The following MGMT variants were observed in gnomAD, a reference collection of about 807,000 sequenced individuals.
The protein encoded by MGMT is O-6-methylguanine-DNA methyltransferase.
Under a neutral mutation model 15.9 loss-of-function variants are expected in MGMT, and 14 were observed. The ratio of observed to expected loss-of-function variants is 0.88; its 90% confidence interval spans 0.58 to 1.37. The LOEUF is 1.37. Ranked by LOEUF, MGMT falls within the 40% of genes most tolerant of loss-of-function variation. The pLI is 0.00. For synonymous variants in MGMT, 130 were observed against 118.2 expected (o/e 1.10, Z -0.65); for missense variants, 282 against 268.1 (o/e 1.05, Z -0.36).
chr10:129,616,666 T>G (rs1847031222), intron 2 of MGMT, among the ~76,000 whole-genome samples: 1 of 152,224 alleles, frequency 6.6e-6, no homozygotes, highest in Non-Finnish European at 1.5e-5. Flanking sequence ...AGAATCCTGT[T>G]TGAGACATCT....
rs1846355540 is a variant in MGMT, at chr10:129,566,469, A to C, written c.125+30092A>C. 1.3e-5 allele frequency among the ~76,000 whole-genome samples: 2 copies of C among 151,944 alleles called. No homozygotes were observed. The highest frequency in any genetic ancestry group is 6.6e-5 in the Admixed American group (1 of 15,264). On this transcript the variant is annotated intron_variant, in intron 2 of 4. Transcript: ENST00000651593. This position sits in a 1 kb window ranked among gnomAD's most constrained non-coding sequence, Gnocchi z 4.1. ...TCTCTCTCTTCCAGGCCTCTGTCCC[A>C]CCAGGATGATGCCTATCCAGAGCTC...
chr10:129,539,832 G>T (rs1180055481), intron 2 of MGMT, among the ~76,000 whole-genome samples: 1 of 152,204 alleles, frequency 6.6e-6, no homozygotes. Flanking sequence ...GCTAGGTAAT[G>T]TGAGTCCATG....
intron 2 of MGMT, among the ~76,000 whole-genome samples, chr10:129,639,800 G>A (rs1189520190): frequency 6.6e-6 from 1 of 151,812 alleles, no homozygotes; most frequent in African/African-American, 2.4e-5. Context: ...TCAAACCCAA[G>A]ACAAACAGAA....
chr10:129,475,112 G>T (rs180888842), intron 1 of MGMT, among the ~76,000 whole-genome samples: 7 of 152,276 alleles, frequency 4.6e-5, no homozygotes, highest in African/African-American at 1.7e-4. Context: ...CAAGGTCTGG[G>T]GAGGAGGCTT....
At chr10:129,682,368 CATTAGGTGG>C in intron 2 of MGMT, among the ~76,000 whole-genome samples, 1 of 151,898 alleles carries the variant, frequency 6.6e-6, no homozygotes, top group Non-Finnish European at 1.5e-5. Context: ...ATCTAAAGGG[CATTAGGTGG>C]AGTAAAGGAA....
chr10:129,725,140 C>T (rs957713599), intron 3 of MGMT, among the ~76,000 whole-genome samples: 2 of 152,232 alleles, frequency 1.3e-5, no homozygotes, highest in Admixed American at 1.3e-4. Context: ...AGCGAGTGGC[C>T]TTGGGAGGTG....
In MGMT at chr10:129,556,205, T is replaced by G. The variant is rs1846211420; in HGVS notation, c.125+19828T>G. Among the ~76,000 whole-genome samples, 1 of 152,212 alleles carries G rather than the reference T, an allele frequency of 6.6e-6. No homozygotes were observed. The highest frequency in any genetic ancestry group is 2.4e-5 in the African/African-American group (1 of 41,450). On this transcript the variant is annotated intron_variant, in intron 2 of 4. Transcript: ENST00000651593. This position sits in a 1 kb window ranked among gnomAD's most constrained non-coding sequence, Gnocchi z 4.3. ...CTTTCGGGATCGCTCTGTTGGTCTC[T>G]GTGTAGCACGTGGCCCCCAAAATTT...
intron 2 of MGMT, among the ~76,000 whole-genome samples, chr10:129,668,755 T>A (rs927763240): frequency 5.9e-5 from 9 of 152,228 alleles, no homozygotes; most frequent in African/African-American, 1.9e-4. Context: ...ATGAATCAGT[T>A]TGTCACATTT....
intron 2 of MGMT, among the ~76,000 whole-genome samples, chr10:129,666,574 C>G (rs545591637): frequency 1.3e-5 from 2 of 152,072 alleles, no homozygotes; most frequent in Admixed American, 1.3e-4. Context: ...TTTATTATTT[C>G]TGACATACAG....
intron 1 of MGMT, among the ~76,000 whole-genome samples, chr10:129,516,051 T>G (rs1845734938): frequency 6.6e-6 from 1 of 152,250 alleles, no homozygotes; most frequent in Non-Finnish European, 1.5e-5. Context: ...AGCCTCACTC[T>G]GTGCTGGTTC....
At chr10:129,547,022 G>C (rs539974271) in intron 2 of MGMT, among the ~76,000 whole-genome samples, 1 of 152,150 alleles carries the variant, frequency 6.6e-6, no homozygotes, top group African/African-American at 2.4e-5. Flanking sequence ...TCAGGGTTGG[G>C]GTGGACAGGA....
rs1047283713 is a variant in MGMT, at chr10:129,566,151, C to T, written c.125+29774C>T. Among the ~76,000 whole-genome samples the T allele has an allele frequency of 6.6e-6, 1 of 152,172 alleles. No homozygotes were observed. Among genetic ancestry groups the T allele is most frequent in the African/African-American group, 2.4e-5 (1 of 41,440 alleles). On this transcript the variant is annotated intron_variant, in intron 2 of 4. Coordinates refer to ENST00000651593, the MANE Select transcript of MGMT (RefSeq NM_002412.5). This position sits in a 1 kb window ranked among gnomAD's most constrained non-coding sequence, Gnocchi z 4.1. ...CTTGCTAGAGCAGGGTTCCCAGTGC[C>T]CCCAGGCTCTACTTTGCTCTGCCTG... is the stretch of plus-strand genomic sequence containing the variant.
intron 1 of MGMT, among the ~76,000 whole-genome samples, chr10:129,485,285 T>C (rs1037881642): frequency 1.3e-5 from 2 of 152,160 alleles, no homozygotes; most frequent in African/African-American, 4.8e-5. Flanking sequence ...CTAGGTGTTT[T>C]GTTCTTTTTG....
At chr10:129,615,884 G>A (rs919297789) in intron 2 of MGMT, among the ~76,000 whole-genome samples, 1 of 152,166 alleles carries the variant, frequency 6.6e-6, no homozygotes, top group Non-Finnish European at 1.5e-5. Flanking sequence ...GTGGCAGTGG[G>A]ACCAGGATGA....
chr10:129,632,518 G>A (rs1847221661), intron 2 of MGMT, among the ~76,000 whole-genome samples: 1 of 152,228 alleles, frequency 6.6e-6, no homozygotes, highest in Non-Finnish European at 1.5e-5. Context: ...CCTGATTGAA[G>A]ACCAAGCTGG....
intron 2 of MGMT, among the ~76,000 whole-genome samples, chr10:129,539,813 C>A (rs1392376077): frequency 6.6e-6 from 1 of 152,180 alleles, no homozygotes; most frequent in Non-Finnish European, 1.5e-5. Flanking sequence ...GCCTGTGATA[C>A]ATCTTGATGC....
At chr10:129,654,405 T>C (rs1016426638) in intron 2 of MGMT, among the ~76,000 whole-genome samples, 1 of 152,122 alleles carries the variant, frequency 6.6e-6, no homozygotes, top group African/African-American at 2.4e-5. Flanking sequence ...CCTCTTGTGG[T>C]AGAAGAGAAG....
chr10:129,713,291 G>A (rs911696036), intron 3 of MGMT, among the ~76,000 whole-genome samples: 6 of 152,120 alleles, frequency 3.9e-5, no homozygotes, highest in African/African-American at 1.4e-4. Flanking sequence ...TCCGATGCCC[G>A]TTTATTGATT....
intron 2 of MGMT, among the ~76,000 whole-genome samples, chr10:129,565,053 A>G (rs1395878993): frequency 2.0e-5 from 3 of 152,222 alleles, no homozygotes; most frequent in Non-Finnish European, 4.4e-5. Context: ...CGACACGCAC[A>G]TTCTGCCGTC....
Sources: gnomAD v4.1 joint callset for allele counts (sites outside exome capture counted in the v4.1 genomes callset) on GRCh38, gnomAD v4.1.1 for gene constraint, Gnocchi (gnomAD v3.1) non-coding constraint, MANE v1.5 for transcripts, NCBI Gene and HGNC (gene_info 2026-07-23, HGNC 2026-07-21) for gene names.